The following PGAP4 variants were observed in gnomAD, a reference collection of about 807,000 sequenced individuals.
The protein encoded by PGAP4 is post-GPI attachment to proteins GalNAc transferase 4.
In PGAP4, 12 loss-of-function variants were observed where a neutral mutation model predicts 28.2. The observed-to-expected ratio is 0.42, with a 90% CI of 0.27 to 0.69. The LOEUF (loss-of-function observed/expected upper bound fraction) is 0.69. PGAP4 is among the 30% of genes least tolerant of loss of function. The pLI, the probability that PGAP4 is intolerant of heterozygous loss-of-function variation, is 0.22. For missense variants in PGAP4, 425 were observed against 513.5 expected, an observed-to-expected ratio of 0.83 and a Z score of 1.67; for synonymous variants, 205 against 211.8, an observed-to-expected ratio of 0.97 and a Z score of 0.28.
chr9:101,477,377 T>A (rs1826358958), intron 1 of PGAP4, among the ~76,000 whole-genome samples: 1 of 152,182 alleles, frequency 6.6e-6, no homozygotes, highest in Non-Finnish European at 1.5e-5. Flanking sequence ...TGGATGTTTT[T>A]ATTATTTCTA....
At chr9:101,497,494 TG>T (rs1372327388) in intron 2 of PGAP4, among the ~76,000 whole-genome samples, 1 of 151,640 alleles carries the variant, frequency 6.6e-6, no homozygotes, top group Non-Finnish European at 1.5e-5. Context: ...AAGGTCATTT[TG>T]TTTTAGGCTG....
At chr9:101,495,996 G>T (rs1323762397) in intron 2 of PGAP4, among the ~76,000 whole-genome samples, 1 of 151,388 alleles carries the variant, frequency 6.6e-6, no homozygotes, top group African/African-American at 2.4e-5. Flanking sequence ...AGAAAAGTGA[G>T]TGAACTATAT....
At chr9:101,477,283 A>T in intron 1 of PGAP4, 114 bp from the exon 2 acceptor site, 1 of 693,544 alleles carries the variant, frequency 1.4e-6, no homozygotes, top group Non-Finnish European at 2.1e-6. Flanking sequence ...ACCAGAAATT[A>T]TAATAGGAGG....
chr9:101,500,863 C>T (rs182522205), intron 2 of PGAP4, among the ~76,000 whole-genome samples: 27 of 152,062 alleles, frequency 1.8e-4, no homozygotes, highest in African/African-American at 6.5e-4. Context: ...CTTTTCTGGA[C>T]CTATTTTTTA....
chr9:101,477,236 A>AACAAAAT (rs1826353922), intron 1 of PGAP4, 67 bp from the exon 2 acceptor site: 1 of 1,289,418 alleles, frequency 7.8e-7, no homozygotes, highest in Non-Finnish European at 1.0e-6. Context: ...ACAAACAAAA[A>AACAAAAT]AACAAAAGGA....
intron 1 of PGAP4, among the ~76,000 whole-genome samples, chr9:101,478,583 T>C (rs926237149): frequency 1.3e-5 from 2 of 152,216 alleles, no homozygotes; most frequent in African/African-American, 4.8e-5. Flanking sequence ...GTCATGTGAC[T>C]AGGGCTTGTC....
chr9:101,508,931 G>A (rs2118605380), intron 2 of PGAP4, among the ~76,000 whole-genome samples: 1 of 152,238 alleles, frequency 6.6e-6, no homozygotes, highest in Admixed American at 6.5e-5. Context: ...TTTCACAAAG[G>A]TAGGATGTTA....
At chr9:101,494,658 T>C (rs1826721801) in intron 2 of PGAP4, among the ~76,000 whole-genome samples, 1 of 151,940 alleles carries the variant, frequency 6.6e-6, no homozygotes, top group East Asian at 1.9e-4. Context: ...TGAGTACTTA[T>C]TAGAATTCAT....
intron 2 of PGAP4, among the ~76,000 whole-genome samples, chr9:101,504,214 T>G (rs1255598348): frequency 1.5e-4 from 17 of 115,934 alleles, no homozygotes; most frequent in Non-Finnish European, 2.2e-4. Flanking sequence ...TGTTTGTTTT[T>G]TTTTTTTTTT....
rs569493965 is a variant in PGAP4, at chr9:101,500,683, T to C, written c.-164-11483A>G. 3.3e-5 allele frequency among the ~76,000 whole-genome samples: 5 copies of C among 151,936 alleles called. No individual in the cohort carries two copies. In the South Asian group the frequency reaches 6.2e-4, roughly 19 times the overall value. The stretch of plus-strand genomic sequence containing the variant: ...TGAGTCCTTTTGAAAAGAAGGTAGA[T>C]GGAAATGAAGACAGAAAAGCAGGGA... On this transcript the variant is annotated intron_variant, in intron 2 of 3. Coordinates refer to the PGAP4 transcript ENST00000374851.
intron 1 of PGAP4, among the ~76,000 whole-genome samples, chr9:101,484,380 T>C (rs532221413): frequency 3.3e-5 from 5 of 152,242 alleles, no homozygotes; most frequent in Admixed American, 3.3e-4. Context: ...TAAAAGGGTA[T>C]GCTGTGGAAA....
At chr9:101,510,195 C>T (rs942854870) in intron 2 of PGAP4, among the ~76,000 whole-genome samples, 1 of 152,112 alleles carries the variant, frequency 6.6e-6, no homozygotes, top group African/African-American at 2.4e-5. Flanking sequence ...CACATGCCAC[C>T]TTTTGAACTG....
chr9:101,484,067 A>G (rs921381708), intron 1 of PGAP4, among the ~76,000 whole-genome samples: 1 of 152,190 alleles, frequency 6.6e-6, no homozygotes, highest in Non-Finnish European at 1.5e-5. Flanking sequence ...AAATTTTATA[A>G]GTGCATCCCC....
intron 2 of PGAP4, among the ~76,000 whole-genome samples, chr9:101,507,523 G>T (rs1197401416): frequency 6.6e-6 from 1 of 152,046 alleles, no homozygotes; most frequent in East Asian, 1.9e-4. Context: ...AAGTCTAAAA[G>T]CTCAGTTCTT....
chr9:101,479,226 G>A (rs974302092), intron 1 of PGAP4, among the ~76,000 whole-genome samples: 42 of 152,234 alleles, frequency 2.8e-4, no homozygotes, highest in African/African-American at 9.9e-4. Context: ...GATTGAACGT[G>A]GCCTCACCAC....
At chr9:101,526,409 C>T (rs981290630) in intron 2 of PGAP4, among the ~76,000 whole-genome samples, 1 of 152,284 alleles carries the variant, frequency 6.6e-6, no homozygotes, top group African/African-American at 2.4e-5. Context: ...ATTGAAATCT[C>T]TATTACCCTG....
In PGAP4 at chr9:101,476,023, T is replaced by A. The variant is rs567771189; in HGVS notation, c.1070A>T (p.His357Leu). 1.2e-6 allele frequency: 2 copies of A among 1,614,140 alleles called. No homozygotes were observed. The highest frequency in any genetic ancestry group is 1.7e-5 in the Admixed American group (1 of 60,018). ...TLTYLSQVYC[H>L]KGFGKDMALY... is the part of the protein sequence containing the mutation. ...TGCCATGTCCTTGCCAAAGCCCTTG[T>A]GGCAGTACACTTGGGACAGGTAGGT... is the stretch of plus-strand genomic sequence containing the variant. The change falls in exon 2 of 2, where the codon CAC (histidine) becomes CTC (leucine). Residue 357 changes from histidine to leucine, a missense_variant. Transcript: ENST00000374848. This position sits in a 1 kb window ranked among gnomAD's most constrained non-coding sequence, Gnocchi z 7.0.
At position 101,486,053 on chromosome 9, in the gene PGAP4, G is replaced by A. The variant is rs1235668625; in HGVS notation, c.-78+896C>T. Among the ~76,000 whole-genome samples the A allele has an allele frequency of 2.0e-5, 3 of 152,168 alleles. No homozygotes were observed. On this transcript the variant is annotated intron_variant, in intron 1 of 1. Transcript: ENST00000374848. The surrounding 1 kb of genome is among the most constrained non-coding windows in gnomAD (Gnocchi z 4.7). ...CCTGCGGTCCCCCGGAGAGAGCCTGGGCCGAGCAGAGGATGCGGGTCACAA... is the reference window on the plus strand; with the variant it reads ...CCTGCGGTCCCCCGGAGAGAGCCTGAGCCGAGCAGAGGATGCGGGTCACAA...
intron 1 of PGAP4, among the ~76,000 whole-genome samples, chr9:101,483,304 G>A (rs12002693): frequency 2.6e-5 from 4 of 151,928 alleles, no homozygotes; most frequent in Non-Finnish European, 5.9e-5. Context: ...TGTAGAGATC[G>A]ACTTATTTGT....
Sources: gnomAD v4.1 joint callset for allele counts (sites outside exome capture counted in the v4.1 genomes callset) on GRCh38, gnomAD v4.1.1 for gene constraint, Gnocchi (gnomAD v3.1) non-coding constraint, MANE v1.5 for transcripts, NCBI Gene and HGNC (gene_info 2026-07-23, HGNC 2026-07-21) for gene names.